Variants in STARD13 observed in about 807,000 individuals in gnomAD.
STARD13 encodes the protein StAR related lipid transfer domain containing 13.
In STARD13, 62 loss-of-function variants were observed where a neutral mutation model predicts 106.4. That is an observed-to-expected ratio of 0.58 (90% confidence interval 0.48 to 0.72). STARD13 has a LOEUF of 0.72. STARD13 is among the 30% of genes least tolerant of loss of function. STARD13 has a pLI of 0.00. For synonymous variants in STARD13, 565 were observed against 553.0 expected (o/e 1.02, Z -0.31); for missense variants, 1,387 against 1,424.0 (o/e 0.97, Z 0.42).
At chr13:33,619,989 G>A in the STARD13 span, among the ~76,000 whole-genome samples, 7 of 152,206 alleles carry the variant, frequency 4.6e-5, no homozygotes, top group South Asian at 2.1e-4. Flanking sequence ...CTAGGGAGCC[G>A]GAGGTTGCAG....
chr13:33,203,665 G>C (rs1026392742), intron 1 of STARD13, among the ~76,000 whole-genome samples: 26 of 152,038 alleles, frequency 1.7e-4, no homozygotes, highest in African/African-American at 5.8e-4. Flanking sequence ...ATCTTGATGA[G>C]AAAATCAAAT....
the STARD13 span, among the ~76,000 whole-genome samples, chr13:33,406,485 A>T: frequency 4.6e-5 from 7 of 152,306 alleles, no homozygotes; most frequent in African/African-American, 1.7e-4. Context: ...CTAGTCAACT[A>T]ACTGATCAAC....
At chr13:33,588,396 C>A in the STARD13 span, among the ~76,000 whole-genome samples, 2 of 152,126 alleles carry the variant, frequency 1.3e-5, no homozygotes, top group African/African-American at 2.4e-5. Flanking sequence ...TTATGGATTG[C>A]CTGACCTGCT....
chr13:33,539,569 T>C, the STARD13 span, among the ~76,000 whole-genome samples: 2 of 152,186 alleles, frequency 1.3e-5, no homozygotes, highest in Admixed American at 6.5e-5. Context: ...TTGAATAGAA[T>C]AGAAATTCAG....
chr13:33,114,849 A>C (rs1414198496), intron 8 of STARD13, among the ~76,000 whole-genome samples: 1 of 152,070 alleles, frequency 6.6e-6, no homozygotes, highest in East Asian at 1.9e-4. Flanking sequence ...TTATTTACTA[A>C]AAACGCTTCA....
chr13:33,603,435 A>T, the STARD13 span, among the ~76,000 whole-genome samples: 4 of 152,288 alleles, frequency 2.6e-5, no homozygotes, highest in Admixed American at 2.6e-4. Flanking sequence ...AACCCCTAAC[A>T]TACATAACGC....
At chr13:33,543,437 G>GT in the STARD13 span, among the ~76,000 whole-genome samples, 1 of 152,176 alleles carries the variant, frequency 6.6e-6, no homozygotes, top group Admixed American at 6.5e-5. Flanking sequence ...GAAAGGAAAA[G>GT]TAATTTCCCC....
At chr13:33,450,801 A>T in the STARD13 span, among the ~76,000 whole-genome samples, 1 of 152,180 alleles carries the variant, frequency 6.6e-6, no homozygotes, top group East Asian at 1.9e-4. Flanking sequence ...AATTCCAGGG[A>T]GAGGAAACAA....
the STARD13 span, among the ~76,000 whole-genome samples, chr13:33,474,264 A>C: frequency 6.6e-6 from 1 of 152,096 alleles, no homozygotes; most frequent in Admixed American, 6.6e-5. Flanking sequence ...TGTTCTTTGG[A>C]CTCTGGGGAG....
At chr13:33,217,554 A>AT (rs1237597306) in intron 1 of STARD13, among the ~76,000 whole-genome samples, 2 of 152,218 alleles carry the variant, frequency 1.3e-5, no homozygotes, top group East Asian at 3.9e-4. Flanking sequence ...GGGGCCTTAG[A>AT]TTTTCTCAGG....
At chr13:33,323,753 T>C (rs1269413742) in intron 1 of STARD13, among the ~76,000 whole-genome samples, 2 of 152,220 alleles carry the variant, frequency 1.3e-5, no homozygotes, top group Non-Finnish European at 2.9e-5. Flanking sequence ...GAAATATGCA[T>C]CATGCTCTTA....
chr13:33,335,547 T>G (rs2077886072), intron 1 of STARD13, among the ~76,000 whole-genome samples: 1 of 152,226 alleles, frequency 6.6e-6, no homozygotes, highest in East Asian at 1.9e-4. Flanking sequence ...CTACAAGTAG[T>G]GGGTATGTGC....
chr13:33,144,965 C>T (rs1880332726), intron 3 of STARD13, among the ~76,000 whole-genome samples: 2 of 152,176 alleles, frequency 1.3e-5, no homozygotes, highest in Admixed American at 1.3e-4. Context: ...ATGCTTTATA[C>T]TTTCTGACAC....
chr13:33,182,602 A>T (rs577953793), intron 1 of STARD13, among the ~76,000 whole-genome samples: 1 of 152,180 alleles, frequency 6.6e-6, no homozygotes, highest in Non-Finnish European at 1.5e-5. Flanking sequence ...TAAAAAAAAA[A>T]TTACAAAAAA....
intron 3 of STARD13, among the ~76,000 whole-genome samples, chr13:33,152,325 G>GT (rs1246058871): frequency 5.3e-5 from 8 of 149,548 alleles, no homozygotes; most frequent in Non-Finnish European, 1.0e-4. Flanking sequence ...TCCTTCACAT[G>GT]TTTTTTTCAT....
chr13:33,611,415 A>G, the STARD13 span: 1 of 152,156 alleles, frequency 6.6e-6, no homozygotes, highest in South Asian at 2.1e-4. Context: ...CAAAAAAGGT[A>G]TTTTTAGGGC....
intron 1 of STARD13, among the ~76,000 whole-genome samples, chr13:33,325,656 G>C (rs2077765104): frequency 6.6e-6 from 1 of 152,086 alleles, no homozygotes; most frequent in Non-Finnish European, 1.5e-5. Flanking sequence ...ACCTTAGAAA[G>C]TCATCTTGAG....
chr13:33,396,072 C>T, the STARD13 span, among the ~76,000 whole-genome samples: 3 of 152,056 alleles, frequency 2.0e-5, no homozygotes, highest in Non-Finnish European at 2.9e-5. Context: ...GGATTGGTTT[C>T]GAACTCCTGG....
the STARD13 span, among the ~76,000 whole-genome samples, chr13:33,665,109 A>C: frequency 3.3e-5 from 5 of 152,224 alleles, no homozygotes; most frequent in Non-Finnish European, 5.9e-5. Flanking sequence ...CCTGTCAAGG[A>C]AGCATCCAAC....
Sources: gnomAD v4.1 joint callset for allele counts (sites outside exome capture counted in the v4.1 genomes callset) on GRCh38, gnomAD v4.1.1 for gene constraint, MANE v1.5 for transcripts, NCBI Gene and HGNC (gene_info 2026-07-23, HGNC 2026-07-21) for gene names.